The following PPP6R3 variants were observed in gnomAD, a reference collection of about 807,000 sequenced individuals.
PPP6R3 encodes protein phosphatase 6 regulatory subunit 3, also known as serine/threonine-protein phosphatase 6 regulatory subunit 3.
Under a neutral mutation model 110.7 loss-of-function variants are expected in PPP6R3, and 38 were observed. That is an observed-to-expected ratio of 0.34 (90% CI 0.26 to 0.45). PPP6R3 has a LOEUF of 0.45. Among genes scored for constraint, PPP6R3 ranks in the 20% least tolerant of loss-of-function variants. The pLI is 1.00. For missense variants in PPP6R3, 870 were observed against 1,062.4 expected (o/e 0.82, Z 2.52); for synonymous variants, 369 against 373.5 (o/e 0.99, Z 0.14).
chr11:68,472,404 T>C (rs1313455990), intron 1 of PPP6R3, among the ~76,000 whole-genome samples: 1 of 152,186 alleles, frequency 6.6e-6, no homozygotes, highest in Non-Finnish European at 1.5e-5. Context: ...CTTAAACAAG[T>C]GCAGATGCAT....
chr11:68,476,305 A>T (rs891427498), intron 1 of PPP6R3, among the ~76,000 whole-genome samples: 1 of 152,194 alleles, frequency 6.6e-6, no homozygotes, highest in Non-Finnish European at 1.5e-5. Context: ...CACCAAAAAA[A>T]TACGAAAACC....
intron 3 of PPP6R3, among the ~76,000 whole-genome samples, chr11:68,543,463 T>C (rs2099329781): frequency 6.6e-6 from 1 of 151,762 alleles, no homozygotes; most frequent in Admixed American, 6.6e-5. Flanking sequence ...GACCTTCTCA[T>C]ACTCTTCTGT....
chr11:68,463,823 C>T (rs994307768), intron 1 of PPP6R3, among the ~76,000 whole-genome samples: 2 of 152,186 alleles, frequency 1.3e-5, no homozygotes, highest in Non-Finnish European at 2.9e-5. Flanking sequence ...GTTCCCCCCT[C>T]ACCCCCCAGG....
chr11:68,555,406 G>T (rs1384723979), intron 7 of PPP6R3, among the ~76,000 whole-genome samples: 4 of 152,160 alleles, frequency 2.6e-5, no homozygotes, highest in South Asian at 2.1e-4. Flanking sequence ...TAGAATCAAA[G>T]CCACATGTAA....
chr11:68,518,302 T>G (rs2099146969), intron 1 of PPP6R3, among the ~76,000 whole-genome samples: 1 of 152,240 alleles, frequency 6.6e-6, no homozygotes, highest in Non-Finnish European at 1.5e-5. Flanking sequence ...CATCATCTTG[T>G]CTCTTTCTGT....
intron 2 of PPP6R3, among the ~76,000 whole-genome samples, chr11:68,521,378 T>G (rs2099163512): frequency 6.6e-6 from 1 of 152,256 alleles, no homozygotes; most frequent in African/African-American, 2.4e-5. Flanking sequence ...GGATAATATT[T>G]GAGACTTTCC....
At chr11:68,566,591 G>A (rs1396725736) in intron 9 of PPP6R3, among the ~76,000 whole-genome samples, 1 of 152,042 alleles carries the variant, frequency 6.6e-6, no homozygotes, top group African/African-American at 2.4e-5. Context: ...AAACTCCTGG[G>A]TTCAAGCGAT....
At chr11:68,553,293 C>CTTT (rs35624425) in intron 6 of PPP6R3, among the ~76,000 whole-genome samples, 3 of 138,664 alleles carry the variant, frequency 2.2e-5, no homozygotes, top group Non-Finnish European at 3.2e-5. Context: ...TTTGCTTTTA[C>CTTT]TTTTTTTTTT....
At chr11:68,538,936 A>C (rs1409178478) in intron 3 of PPP6R3, among the ~76,000 whole-genome samples, 2 of 152,222 alleles carry the variant, frequency 1.3e-5, no homozygotes, top group Non-Finnish European at 1.5e-5. Flanking sequence ...CCTGGCCAAC[A>C]TGGTGAAACC....
intron 18 of PPP6R3, among the ~76,000 whole-genome samples, chr11:68,592,472 G>C (rs1476524799): frequency 2.0e-5 from 3 of 152,118 alleles, no homozygotes; most frequent in African/African-American, 7.2e-5. Context: ...TCCTCTTGCC[G>C]GGGAGTCCCT....
Position 68,573,112 on chromosome 11 carries a change from TTTTA to T in PPP6R3, c.1344-995_1344-992del, listed in dbSNP as rs1231383378. ...AATCAGATTAATATGAGTTTACTTATTTTATATATATATATATATATATATATAT... is the reference window on the plus strand; with the variant it reads ...AATCAGATTAATATGAGTTTACTTATTATATATATATATATATATATATAT... On this transcript the variant is annotated intron_variant, in intron 12 of 23. Coordinates refer to ENST00000393800, the MANE Select transcript of PPP6R3 (RefSeq NM_001164161.2). 7.6e-3 allele frequency among the ~76,000 whole-genome samples: 289 copies of T among 38,070 alleles called. 6 individuals are homozygous for T. The highest frequency in any genetic ancestry group is 0.028 in the African/African-American group (270 of 9,752). The allele number at this position is 38,070 out of a possible 152,430, so 25.0% of individuals were successfully genotyped here.
intron 15 of PPP6R3, chr11:68,586,933 G>A (rs929364378): frequency 6.6e-6 from 1 of 152,066 alleles, no homozygotes; most frequent in African/African-American, 2.4e-5. Context: ...GCCTTCAGTT[G>A]AGCCAACAGC....
chr11:68,577,245 C>G (rs1369559306), intron 14 of PPP6R3, among the ~76,000 whole-genome samples: 1 of 151,988 alleles, frequency 6.6e-6, no homozygotes, highest in Non-Finnish European at 1.5e-5. Flanking sequence ...AATATTTTAC[C>G]CATTGTAGAT....
At chr11:68,478,430 A>G (rs1205756540) in intron 1 of PPP6R3, among the ~76,000 whole-genome samples, 3 of 152,100 alleles carry the variant, frequency 2.0e-5, no homozygotes, top group Non-Finnish European at 4.4e-5. Flanking sequence ...ACTAAAGTAT[A>G]TATATAGGCC....
intron 1 of PPP6R3, among the ~76,000 whole-genome samples, chr11:68,498,143 T>C (rs2099028873): frequency 6.6e-6 from 1 of 152,208 alleles, no homozygotes; most frequent in South Asian, 2.1e-4. Flanking sequence ...CCAAGGGGTA[T>C]ATAGATTTTA....
intron 7 of PPP6R3, chr11:68,558,147 T>G (rs2099406410): frequency 6.5e-6 from 1 of 153,016 alleles, no homozygotes; most frequent in South Asian, 2.1e-4. Flanking sequence ...TGGGTTCTAA[T>G]TAGCCTTTCT....
At chr11:68,533,947 A>T (rs1592687554) in intron 2 of PPP6R3, among the ~76,000 whole-genome samples, 1 of 152,146 alleles carries the variant, frequency 6.6e-6, no homozygotes, top group Non-Finnish European at 1.5e-5. Context: ...TTACAGCAGT[A>T]GGTGGCTTTC....
In PPP6R3 at chr11:68,576,742, A is replaced by G. The variant is rs148773288; in HGVS notation, c.1545+699A>G. ...GGGTGGCCTTTGCTTAGACAGAAGC[A>G]GCACGTGACTCGACATTGAAGTGTT... On this transcript the variant is annotated intron_variant, in intron 14 of 23. Transcript: ENST00000393800. Among the ~76,000 whole-genome samples the G allele has an allele frequency of 5.8e-4, 88 of 152,356 alleles. 1 individual carries two copies. Among genetic ancestry groups the G allele is most frequent in the African/African-American group, 2.0e-3 (82 of 41,582 alleles).
At chr11:68,577,353 T>C (rs985965457) in intron 14 of PPP6R3, among the ~76,000 whole-genome samples, 1 of 152,260 alleles carries the variant, frequency 6.6e-6, no homozygotes, top group Non-Finnish European at 1.5e-5. Flanking sequence ...ATCATACTGC[T>C]TAATTTTGGA....
Sources: gnomAD v4.1 joint callset for allele counts (sites outside exome capture counted in the v4.1 genomes callset) on GRCh38, gnomAD v4.1.1 for gene constraint, MANE v1.5 for transcripts, NCBI Gene and HGNC (gene_info 2026-07-23, HGNC 2026-07-21) for gene names.